INPP5A: variants seen among roughly 807,000 people sequenced by gnomAD.
The protein encoded by INPP5A is 43 kDa inositol polyphosphate 5-phophatase.
INPP5A carries 14 observed loss-of-function variants against 65.2 expected under a neutral mutation model. The observed-to-expected ratio is 0.21, with a 90% CI of 0.14 to 0.34. The LOEUF (loss-of-function observed/expected upper bound fraction) is 0.34. Among genes scored for constraint, INPP5A ranks in the 10% least tolerant of loss-of-function variants. The pLI is 1.00. For synonymous variants in INPP5A, 207 were observed against 208.3 expected (o/e 0.99, Z 0.05); for missense variants, 431 against 545.6 (o/e 0.79, Z 2.09).
intron 8 of INPP5A, among the ~76,000 whole-genome samples, chr10:132,712,665 CAT>C (rs1845665015): frequency 7.2e-6 from 1 of 139,854 alleles, no homozygotes; most frequent in Non-Finnish European, 1.6e-5. Context: ...TGGGTATATG[CAT>C]GTGTGGGTGC....
In INPP5A at chr10:132,650,280, G is replaced by C; in HGVS notation, c.219-138G>C. 1.5e-6 allele frequency: 1 copy of C among 659,152 alleles called. No individual in the cohort carries two copies. Among genetic ancestry groups the C allele is most frequent in the Admixed American group, 2.1e-5 (1 of 47,732 alleles). The allele number at this position is 659,152 out of a possible 1,614,324, so 40.8% of individuals were successfully genotyped here. ...CCTGCGGTGGCTGCCGCCATTCCCT[G>C]CCCTCTGCCTGTCACGGGTGGATGG... is the stretch of plus-strand genomic sequence containing the variant. On this transcript the variant is annotated intron_variant, in intron 3 of 15. Transcript: ENST00000368594. This position sits in a 1 kb window ranked among gnomAD's most constrained non-coding sequence, Gnocchi z 5.5.
chr10:132,764,657 G>A (rs1846801458), intron 11 of INPP5A, among the ~76,000 whole-genome samples: 1 of 146,104 alleles, frequency 6.8e-6, no homozygotes, highest in African/African-American at 2.6e-5. Context: ...GGGTGGGAGG[G>A]TGTGCGTGGT....
At chr10:132,719,441 G>A (rs186906317) in intron 8 of INPP5A, among the ~76,000 whole-genome samples, 1 of 147,618 alleles carries the variant, frequency 6.8e-6, no homozygotes, top group Admixed American at 6.7e-5. Context: ...GGGTTCTGTG[G>A]TACCTGGGTT....
chr10:132,596,401 A>AGTGTGTGTGC (rs1401184725), intron 1 of INPP5A, among the ~76,000 whole-genome samples: 1 of 151,532 alleles, frequency 6.6e-6, no homozygotes, highest in Non-Finnish European at 1.5e-5. Flanking sequence ...AGGACACCCA[A>AGTGTGTGTGC]GTGTGTGTGC....
At chr10:132,607,880 T>G (rs769943262) in intron 1 of INPP5A, 35 bp from the exon 2 acceptor site, 4 of 1,599,280 alleles carry the variant, frequency 2.5e-6, no homozygotes, top group Admixed American at 1.7e-5. Flanking sequence ...GTGCCATTGG[T>G]CTGACTGGCT....
chr10:132,538,991 GA>G lies in INPP5A; in HGVS notation c.75+822del, dbSNP rs1158514920. ...CCCTGAACCTGGAACCCTGGTTCCA[GA>G]ATCAGGCCCCAAACCCAATTCTGGA... On this transcript the variant is annotated intron_variant, in intron 1 of 15. Coordinates refer to ENST00000368594, the MANE Select transcript of INPP5A (RefSeq NM_005539.5). The surrounding 1 kb of genome is among the most constrained non-coding windows in gnomAD (Gnocchi z 4.1). 1.3e-5 allele frequency among the ~76,000 whole-genome samples: 2 copies of G among 152,116 alleles called. No individual in the cohort carries two copies. Among genetic ancestry groups the G allele is most frequent in the Non-Finnish European group, 2.9e-5 (2 of 68,030 alleles).
Position 132,697,983 on chromosome 10 carries a change from T to A in INPP5A, c.474+64T>A, listed in dbSNP as rs531670645. ...CAGAGTGAGCCAGTCAGAAGTGACATGGAACACGGAATTTTCGCATTGCAC... is the reference window on the plus strand; with the variant it reads ...CAGAGTGAGCCAGTCAGAAGTGACAAGGAACACGGAATTTTCGCATTGCAC... On this transcript the variant is annotated intron_variant, in intron 6 of 15. Transcript: ENST00000368594. This position sits in a 1 kb window ranked among gnomAD's most constrained non-coding sequence, Gnocchi z 5.6. The A allele has an allele frequency of 1.8e-6, 2 of 1,084,666 alleles. No individual in the cohort carries two copies. Among genetic ancestry groups the A allele is most frequent in the Non-Finnish European group, 2.8e-6 (2 of 710,434 alleles). The allele number at this position is 1,084,666 out of a possible 1,614,324, so 67.2% of individuals were successfully genotyped here.
rs894420508 is a variant in INPP5A, at chr10:132,715,776, C to T, written c.647+5320C>T. Among the ~76,000 whole-genome samples the T allele has an allele frequency of 3.9e-5, 6 of 152,338 alleles. No homozygotes were observed. The East Asian group carries it at 1.2e-3, about 29-fold the overall frequency. On this transcript the variant is annotated intron_variant, in intron 8 of 15. Transcript: ENST00000368594. ...GCGCTCCTCACACTCCCGCTGGCCTCGGAGAACAGCTCACAGGCTCTTGCT... is the reference window on the plus strand; with the variant it reads ...GCGCTCCTCACACTCCCGCTGGCCTTGGAGAACAGCTCACAGGCTCTTGCT...
At chr10:132,712,250 A>T (rs1220820703) in intron 8 of INPP5A, among the ~76,000 whole-genome samples, 1 of 151,736 alleles carries the variant, frequency 6.6e-6, no homozygotes, top group Non-Finnish European at 1.5e-5. Context: ...GTGTGCATGC[A>T]ATTATGTATG....
chr10:132,664,854 T>C (rs572434112), intron 4 of INPP5A, among the ~76,000 whole-genome samples: 3 of 152,340 alleles, frequency 2.0e-5, no homozygotes, highest in Admixed American at 2.0e-4. Context: ...CACACATCCC[T>C]GTCAGGGCAG....
At chr10:132,680,648 GGGAGGTGT>G (rs2073030183) in intron 4 of INPP5A, among the ~76,000 whole-genome samples, 1 of 152,268 alleles carries the variant, frequency 6.6e-6, no homozygotes, top group South Asian at 2.1e-4. Context: ...TCAGTTTGTA[GGGAGGTGT>G]GGAGGGAGAG....
chr10:132,693,827 T>C (rs1333502330), intron 5 of INPP5A, among the ~76,000 whole-genome samples: 1 of 152,160 alleles, frequency 6.6e-6, no homozygotes, highest in Non-Finnish European at 1.5e-5. Context: ...TCTCCAAGAA[T>C]ACATAACAAT....
rs115268232 is a variant in INPP5A, at chr10:132,751,152, C to A, written c.903+1307C>A. Among the ~76,000 whole-genome samples the A allele has an allele frequency of 7.6e-3, 1,163 of 152,356 alleles. 16 individuals are homozygous for A. Among genetic ancestry groups the A allele is most frequent in the African/African-American group, 0.026 (1,072 of 41,586 alleles). ...CCCCCAGACCCCACGCTCCTGTCTT[C>A]TTGGGAAGTCACTTCTGCCTCCTGC... On this transcript the variant is annotated intron_variant, in intron 11 of 15. Transcript: ENST00000368594.
At chr10:132,579,509 C>T (rs547846690) in intron 1 of INPP5A, among the ~76,000 whole-genome samples, 1 of 152,030 alleles carries the variant, frequency 6.6e-6, no homozygotes, top group Non-Finnish European at 1.5e-5. Context: ...CTGGGCATCC[C>T]AATGGTCTGT....
At chr10:132,732,016 A>T (rs1011371349) in intron 9 of INPP5A, among the ~76,000 whole-genome samples, 2 of 152,098 alleles carry the variant, frequency 1.3e-5, no homozygotes, top group African/African-American at 4.8e-5. Flanking sequence ...AGCCCCCGGC[A>T]CCCCAGGCAG....
chr10:132,767,792 GCA>G (rs1846875813), intron 12 of INPP5A, among the ~76,000 whole-genome samples: 1 of 18,792 alleles, frequency 5.3e-5, no homozygotes. Flanking sequence ...CCGACCCTCT[GCA>G]TTCCCAGGGT....
chr10:132,683,691 G>A (rs962106775), intron 4 of INPP5A, among the ~76,000 whole-genome samples: 20 of 152,234 alleles, frequency 1.3e-4, no homozygotes, highest in African/African-American at 4.8e-4. Flanking sequence ...GTGCAACAGA[G>A]AAATGGATAA....
rs905492066 is a variant in INPP5A at position 132,551,291 on chromosome 10, C to T, written c.75+13120C>T. On this transcript the variant is annotated intron_variant, in intron 1 of 15. Coordinates refer to ENST00000368594, the MANE Select transcript of INPP5A (RefSeq NM_005539.5). This position sits in a 1 kb window ranked among gnomAD's most constrained non-coding sequence, Gnocchi z 5.3. ...CACTCTGACCACATGGATGAGCCTG[C>T]GAGTGTGAAGCTGAGAACTGGGTTG... is the stretch of plus-strand genomic sequence containing the variant. Among the ~76,000 whole-genome samples, 1 of 152,214 alleles carries T rather than the reference C, an allele frequency of 6.6e-6. No homozygotes were observed. The highest frequency in any genetic ancestry group is 1.5e-5 in the Non-Finnish European group (1 of 68,026).
chr10:132,737,550 G>A (rs1044604545), intron 9 of INPP5A, among the ~76,000 whole-genome samples: 1 of 152,244 alleles, frequency 6.6e-6, no homozygotes, highest in Admixed American at 6.5e-5. Context: ...CACTGCCCTC[G>A]CCACGTGCCC....
Sources: gnomAD v4.1 joint callset for allele counts (sites outside exome capture counted in the v4.1 genomes callset) on GRCh38, gnomAD v4.1.1 for gene constraint, Gnocchi (gnomAD v3.1) non-coding constraint, MANE v1.5 for transcripts, NCBI Gene and HGNC (gene_info 2026-07-23, HGNC 2026-07-21) for gene names.